The following MTA3 variants were observed in gnomAD, a reference collection of about 807,000 sequenced individuals.
MTA3 encodes metastasis-associated protein MTA3.
MTA3 carries 34 observed loss-of-function variants against 83.5 expected under a neutral mutation model. The observed-to-expected ratio is 0.41, with a 90% confidence interval of 0.31 to 0.54. The LOEUF (loss-of-function observed/expected upper bound fraction) is 0.54. Ranked by LOEUF, MTA3 falls within the 20% of genes least tolerant of loss-of-function variation. The probability of loss-of-function intolerance (pLI) is 0.33; values close to 1 mark genes in which losing one functional copy is unlikely to be tolerated. For missense variants in MTA3, 761 were observed against 726.4 expected, an observed-to-expected ratio of 1.05 and a Z score of -0.55; for synonymous variants, 303 against 252.7, an observed-to-expected ratio of 1.20 and a Z score of -1.89.
At chr2:42,670,451 T>C (rs1323350395) in intron 8 of MTA3, among the ~76,000 whole-genome samples, 1 of 152,220 alleles carries the variant, frequency 6.6e-6, no homozygotes, top group Non-Finnish European at 1.5e-5. Context: ...TCATTTATTC[T>C]ATCTATAAAG....
intron 14 of MTA3, among the ~76,000 whole-genome samples, chr2:42,714,210 CCCGTGG>C (rs1269637812): frequency 6.6e-6 from 1 of 152,070 alleles, no homozygotes; most frequent in African/African-American, 2.4e-5. Flanking sequence ...ACTGTTTTTG[CCCGTGG>C]CCTGTTTTCT....
intron 4 of MTA3, among the ~76,000 whole-genome samples, 183 bp from the exon 5 acceptor site, chr2:42,639,990 C>G (rs190752478): frequency 6.6e-6 from 1 of 152,194 alleles, no homozygotes; most frequent in East Asian, 1.9e-4. Flanking sequence ...TAAAGACAGC[C>G]TTATTTTATA....
At chr2:42,531,777 G>A (rs1178117751) in intron 2 of MTA3, among the ~76,000 whole-genome samples, 1 of 148,880 alleles carries the variant, frequency 6.7e-6, no homozygotes, top group Non-Finnish European at 1.5e-5. Context: ...TTTTTTTTGA[G>A]ACGGAGTCTC....
At chr2:42,692,481 A>C (rs960937539) in intron 9 of MTA3, among the ~76,000 whole-genome samples, 1 of 150,366 alleles carries the variant, frequency 6.7e-6, no homozygotes, top group East Asian at 2.0e-4. Flanking sequence ...CTGGAGTGCA[A>C]TGGCGTGATC....
chr2:42,615,357 T>TA (rs200518267), intron 4 of MTA3, among the ~76,000 whole-genome samples: 1,551 of 151,954 alleles, frequency 0.01, 21 homozygotes, highest in African/African-American at 0.036. Context: ...TTACTTTTAT[T>TA]TTTTATTTTT....
intron 2 of MTA3, among the ~76,000 whole-genome samples, chr2:42,575,996 G>T (rs1182124106): frequency 6.6e-6 from 1 of 152,156 alleles, no homozygotes; most frequent in East Asian, 1.9e-4. Context: ...AGTTTGAATG[G>T]CTAATTGAAA....
chr2:42,679,836 T>G (rs1384616422), intron 8 of MTA3, among the ~76,000 whole-genome samples: 1 of 147,248 alleles, frequency 6.8e-6, no homozygotes, highest in African/African-American at 2.5e-5. Flanking sequence ...GATGGCTGTG[T>G]GTTGTTTTTT....
intron 2 of MTA3, among the ~76,000 whole-genome samples, chr2:42,529,761 G>A (rs1675872147): frequency 6.6e-6 from 1 of 152,184 alleles, no homozygotes; most frequent in Non-Finnish European, 1.5e-5. Context: ...TGTTAATGCT[G>A]GGCACAGAAT....
In MTA3 at chr2:42,568,641, C is replaced by A. The variant is rs1678066866; in HGVS notation, c.-105C>A. 4 of 573,378 alleles carry A rather than the reference C, an allele frequency of 7.0e-6. No individual in the cohort carries two copies. Among genetic ancestry groups the A allele is most frequent in the Admixed American group, 6.0e-5 (1 of 16,708 alleles). 35.5% of individuals were successfully genotyped at this position (573,378 alleles called of 1,614,324 possible). Reference sequence around the variant, plus strand: ...CCCTCCCTTCCCCCCCGTGGCGAGGCAGCAGCGACGGCGGCGGCGGCAGCG... The same window carrying A: ...CCCTCCCTTCCCCCCCGTGGCGAGGAAGCAGCGACGGCGGCGGCGGCAGCG... On this transcript the variant is annotated 5_prime_UTR_variant, in exon 1 of 17. Transcript: ENST00000405094.
At chr2:42,555,763 G>A (rs575523611) in intron 2 of MTA3, among the ~76,000 whole-genome samples, 4 of 151,176 alleles carry the variant, frequency 2.6e-5, no homozygotes, top group East Asian at 3.9e-4. Flanking sequence ...GCGAGACTCC[G>A]TCTCAAAAAG....
At chr2:42,514,682 CTTTT>C (rs767598363) in intron 2 of MTA3, among the ~76,000 whole-genome samples, 6 of 53,480 alleles carry the variant, frequency 1.1e-4, no homozygotes, top group Non-Finnish European at 1.2e-4. Context: ...CGCCCAGCCC[CTTTT>C]TTTTTTTTTT....
rs141239993 is a variant in MTA3, at chr2:42,634,616, G to A, written c.318-5557G>A. Reference sequence around the variant, plus strand: ...GGATCACAATTCAAGATGAGATTTGGGTGGGGACACAGAGCCAAACCATAT... The same window carrying A: ...GGATCACAATTCAAGATGAGATTTGAGTGGGGACACAGAGCCAAACCATAT... On this transcript the variant is annotated intron_variant, in intron 4 of 16. Transcript: ENST00000405094. 3.5e-3 allele frequency among the ~76,000 whole-genome samples: 537 copies of A among 152,202 alleles called. 2 individuals carry two copies. The highest frequency in any genetic ancestry group is 0.011 in the African/African-American group (476 of 41,534).
At chr2:42,553,634 C>G (rs1450487243) in intron 2 of MTA3, among the ~76,000 whole-genome samples, 2 of 151,032 alleles carry the variant, frequency 1.3e-5, no homozygotes, top group Non-Finnish European at 2.9e-5. Flanking sequence ...ACTCGAGAGG[C>G]TGAGGCAGGA....
chr2:42,597,375 CTTTTTTT>C (rs35943826), intron 3 of MTA3, among the ~76,000 whole-genome samples: 3 of 108,456 alleles, frequency 2.8e-5, no homozygotes, highest in African/African-American at 1.1e-4. Flanking sequence ...GACAAGTTAT[CTTTTTTT>C]TTTTTTTTTT....
chr2:42,604,948 T>C (rs1394222989), intron 3 of MTA3, among the ~76,000 whole-genome samples: 3 of 149,996 alleles, frequency 2.0e-5, no homozygotes, highest in East Asian at 2.0e-4. Flanking sequence ...TTTTTCTTAG[T>C]GTAGAACAAA....
chr2:42,506,624 ATTAT>A (rs139933539), intron 2 of MTA3, among the ~76,000 whole-genome samples: 121,357 of 148,622 alleles, frequency 0.82, 50,192 homozygotes, highest in African/African-American at 0.94. Context: ...ACTTATTATT[ATTAT>A]TTATTTATTT....
At chr2:42,726,101 A>G (rs971105320) in intron 16 of MTA3, among the ~76,000 whole-genome samples, 4 of 152,220 alleles carry the variant, frequency 2.6e-5, no homozygotes, top group Admixed American at 2.0e-4. Context: ...TGAAATAGAT[A>G]CAAACTCATG....
At chr2:42,526,851 C>G (rs1422216809) in intron 2 of MTA3, among the ~76,000 whole-genome samples, 1 of 151,752 alleles carries the variant, frequency 6.6e-6, no homozygotes, top group Non-Finnish European at 1.5e-5. Flanking sequence ...GTCAAGAGAT[C>G]GAGACCATTC....
intron 14 of MTA3, among the ~76,000 whole-genome samples, chr2:42,713,126 A>G (rs1666759638): frequency 6.6e-6 from 1 of 152,210 alleles, no homozygotes; most frequent in South Asian, 2.1e-4. Context: ...GTAAATCCGG[A>G]TGATTTGCCT....
Sources: allele counts gnomAD v4.1 joint callset (sites outside exome capture counted in the v4.1 genomes callset), GRCh38; gene constraint gnomAD v4.1.1; transcripts MANE v1.5; gene names NCBI Gene and HGNC (gene_info 2026-07-23, HGNC 2026-07-21).